KCNMA1: variants seen among roughly 807,000 people sequenced by gnomAD.
KCNMA1 encodes Calcium-activated potassium channel subunit alpha-1.
A neutral mutation model predicts 140.0 loss-of-function variants in KCNMA1; 29 were observed. That is an observed-to-expected ratio of 0.21 (90% confidence interval 0.15 to 0.28). The LOEUF (loss-of-function observed/expected upper bound fraction) is 0.28. KCNMA1 is among the 10% of genes least tolerant of loss of function. The pLI is 1.00. For synonymous variants in KCNMA1, 612 were observed against 611.9 expected (o/e 1.00, Z 0.00); for missense variants, 880 against 1,602.2 (o/e 0.55, Z 7.70).
At chr10:77,172,280 C>A (rs1270840375) in intron 5 of KCNMA1, among the ~76,000 whole-genome samples, 1 of 152,150 alleles carries the variant, frequency 6.6e-6, no homozygotes, top group Non-Finnish European at 1.5e-5. Flanking sequence ...GTTTTGGCAT[C>A]CATGCAAACC....
At chr10:77,325,711 C>G (rs962192317) in intron 2 of KCNMA1, among the ~76,000 whole-genome samples, 1 of 152,194 alleles carries the variant, frequency 6.6e-6, no homozygotes, top group African/African-American at 2.4e-5. Flanking sequence ...GACATTGACA[C>G]TGTTGTTGCT....
At chr10:76,948,350 T>C (rs1467913894) in intron 22 of KCNMA1, among the ~76,000 whole-genome samples, 1 of 152,182 alleles carries the variant, frequency 6.6e-6, no homozygotes, top group Non-Finnish European at 1.5e-5. Flanking sequence ...GAAAAATATT[T>C]GGAGGATAAG....
At chr10:76,966,497 A>G (rs951049739) in intron 20 of KCNMA1, among the ~76,000 whole-genome samples, 1 of 152,138 alleles carries the variant, frequency 6.6e-6, no homozygotes, top group African/African-American at 2.4e-5. Context: ...GAGAGTTTTC[A>G]TTGAAGGTTC....
intron 2 of KCNMA1, among the ~76,000 whole-genome samples, chr10:77,295,787 C>CAAAAAAAAAAAAAAAAAAAAA (rs36034012): frequency 2.3e-5 from 1 of 43,260 alleles, no homozygotes; most frequent in Non-Finnish European, 4.0e-5. Context: ...GACTCCGTCT[C>CAAAAAAAAAAAAAAAAAAAAA]AAAAAAAAAA....
chr10:77,447,807 G>A (rs895679496), intron 1 of KCNMA1, among the ~76,000 whole-genome samples: 1 of 152,228 alleles, frequency 6.6e-6, no homozygotes, highest in Admixed American at 6.5e-5. Flanking sequence ...CATCAGCAAT[G>A]CTGCTACTAG....
At chr10:77,604,550 A>C (rs2154566832) in intron 1 of KCNMA1, among the ~76,000 whole-genome samples, 1 of 151,786 alleles carries the variant, frequency 6.6e-6, no homozygotes, top group East Asian at 1.9e-4. Flanking sequence ...ACCCCCAAAA[A>C]ATTTACTTAA....
Position 77,143,964 on chromosome 10 carries a change from C to T in KCNMA1, c.809-22916G>A, listed in dbSNP as rs373819982. Among the ~76,000 whole-genome samples the T allele has an allele frequency of 2.2e-4, 34 of 152,246 alleles. No individual in the cohort carries two copies. The South Asian group carries it at 5.8e-3, about 26-fold the overall frequency. ...AAACAAAGCAGCTGGCACCCTCACACGTTGCTAGTAGAAGTGTAAAATGGT... is the reference window on the plus strand; with the variant it reads ...AAACAAAGCAGCTGGCACCCTCACATGTTGCTAGTAGAAGTGTAAAATGGT... On this transcript the variant is annotated intron_variant, in intron 5 of 27. Coordinates refer to ENST00000286628, the MANE Select transcript of KCNMA1 (RefSeq NM_001161352.2).
chr10:76,948,013 G>T (rs1565118240), intron 22 of KCNMA1, among the ~76,000 whole-genome samples: 1 of 151,750 alleles, frequency 6.6e-6, no homozygotes, highest in African/African-American at 2.4e-5. Context: ...TTTTGTTTTT[G>T]TTTTTGTTTG....
chr10:77,215,274 T>A (rs1163828784), intron 3 of KCNMA1, among the ~76,000 whole-genome samples: 2 of 152,142 alleles, frequency 1.3e-5, no homozygotes, highest in Non-Finnish European at 2.9e-5. Context: ...CCTCTTTAAT[T>A]TCCCTACTTC....
At chr10:77,296,908 T>TGG (rs781675116) in intron 2 of KCNMA1, among the ~76,000 whole-genome samples, 1,639 of 79,732 alleles carry the variant, frequency 0.021, 30 homozygotes, top group Admixed American at 0.063. Context: ...CCTGGGTGTG[T>TGG]GGGCGGGGGG....
intron 2 of KCNMA1, among the ~76,000 whole-genome samples, chr10:77,328,412 C>T (rs2085034591): frequency 6.6e-6 from 1 of 152,172 alleles, no homozygotes. Flanking sequence ...GCAGATTATC[C>T]TTGGAAAATG....
chr10:77,499,363 GACAGACCC>G (rs1603629981), intron 1 of KCNMA1, among the ~76,000 whole-genome samples: 1 of 149,950 alleles, frequency 6.7e-6, no homozygotes, highest in East Asian at 2.0e-4. Flanking sequence ...TAACACAGAA[GACAGACCC>G]AAGTCTGAAA....
At chr10:77,482,216 G>A (rs2098406167) in intron 1 of KCNMA1, among the ~76,000 whole-genome samples, 1 of 152,248 alleles carries the variant, frequency 6.6e-6, no homozygotes, top group African/African-American at 2.4e-5. Context: ...GGACAGGGCA[G>A]CAGCTGGCCA....
chr10:77,369,189 G>C (rs2154410074), intron 2 of KCNMA1, among the ~76,000 whole-genome samples: 1 of 152,220 alleles, frequency 6.6e-6, no homozygotes, highest in East Asian at 1.9e-4. Flanking sequence ...GGTATGTCTT[G>C]CCATTTCTCT....
intron 18 of KCNMA1, among the ~76,000 whole-genome samples, chr10:77,004,745 C>T (rs2087806030): frequency 6.6e-6 from 1 of 152,168 alleles, no homozygotes; most frequent in Non-Finnish European, 1.5e-5. Flanking sequence ...TCTCTCTCAA[C>T]TCTCTCTGGC....
At chr10:76,949,444 T>G in intron 21 of KCNMA1, 78 bp from the exon 22 acceptor site, 2 of 1,225,308 alleles carry the variant, frequency 1.6e-6, no homozygotes, top group Non-Finnish European at 2.4e-6. Flanking sequence ...AAATCATTTG[T>G]GCAAAGAATC....
chr10:77,073,543 T>G (rs1423495305), intron 13 of KCNMA1, among the ~76,000 whole-genome samples: 1 of 152,168 alleles, frequency 6.6e-6, no homozygotes, highest in Non-Finnish European at 1.5e-5. Context: ...CCCAACAGCC[T>G]GGGTTACTAG....
rs190465290 is a variant in KCNMA1, at chr10:76,947,260, C to T, written c.2709+1882G>A. ...ACTGAGGCAGGAGAATCGCTTGAAC[C>T]CAGGAGGTGAAGGTTGCAGTGAGCC... On this transcript the variant is annotated intron_variant, in intron 22 of 27. Coordinates refer to ENST00000286628, the MANE Select transcript of KCNMA1 (RefSeq NM_001161352.2). Among the ~76,000 whole-genome samples, 792 of 152,146 alleles carry T rather than the reference C, an allele frequency of 5.2e-3. 2 individuals carry two copies. Among genetic ancestry groups the T allele is most frequent in the African/African-American group, 0.016 (667 of 41,514 alleles).
chr10:77,157,042 C>T (rs2098495063), intron 5 of KCNMA1, among the ~76,000 whole-genome samples: 1 of 152,216 alleles, frequency 6.6e-6, no homozygotes, highest in Non-Finnish European at 1.5e-5. Flanking sequence ...TCTTTCTTTA[C>T]AGCAATACTG....
Sources: allele counts gnomAD v4.1 joint callset (sites outside exome capture counted in the v4.1 genomes callset), GRCh38; gene constraint gnomAD v4.1.1; transcripts MANE v1.5; gene names NCBI Gene and HGNC (gene_info 2026-07-23, HGNC 2026-07-21).